The following DUSP16 variants were observed in gnomAD, a reference collection of about 807,000 sequenced individuals.
The protein encoded by DUSP16 is dual specificity protein phosphatase 16.
DUSP16 carries 21 observed loss-of-function variants against 58.3 expected under a neutral mutation model. That is an observed-to-expected ratio of 0.36 (90% CI 0.26 to 0.52). DUSP16 has a LOEUF of 0.52. DUSP16 is among the 20% of genes least tolerant of loss of function. The pLI, the probability that DUSP16 is intolerant of heterozygous loss-of-function variation, is 0.94. For missense variants in DUSP16, 726 were observed against 819.0 expected (o/e 0.89, Z 1.39); for synonymous variants, 320 against 323.8 (o/e 0.99, Z 0.12).
At chr12:12,543,166 G>T (rs905955976) in intron 1 of DUSP16, among the ~76,000 whole-genome samples, 3 of 149,818 alleles carry the variant, frequency 2.0e-5, no homozygotes, top group Admixed American at 1.5e-4. Context: ...GAAGAATGTC[G>T]TTGTGTCAAC....
chr12:12,506,557 T>C (rs1944000080), intron 3 of DUSP16, among the ~76,000 whole-genome samples: 2 of 152,252 alleles, frequency 1.3e-5, no homozygotes, highest in African/African-American at 4.8e-5. Flanking sequence ...CCTAATTTTA[T>C]GCTGTTTATC....
At chr12:12,493,180 G>A (rs1041156986) in intron 4 of DUSP16, among the ~76,000 whole-genome samples, 18 of 151,982 alleles carry the variant, frequency 1.2e-4, no homozygotes, top group East Asian at 1.9e-4. Flanking sequence ...CAGGCATTTC[G>A]AACTCAGCGT....
intron 1 of DUSP16, among the ~76,000 whole-genome samples, chr12:12,560,365 T>C (rs1168452660): frequency 2.0e-5 from 3 of 152,218 alleles, no homozygotes; most frequent in Non-Finnish European, 4.4e-5. Context: ...ATTTCTAATT[T>C]TTCCCCCATG....
chr12:12,552,575 G>A (rs529577042), intron 1 of DUSP16, among the ~76,000 whole-genome samples: 6 of 152,174 alleles, frequency 3.9e-5, no homozygotes, highest in Non-Finnish European at 5.9e-5. Flanking sequence ...TGTGCAGCCA[G>A]GTTTTCTTCA....
chr12:12,503,187 G>A (rs918053083), intron 3 of DUSP16, among the ~76,000 whole-genome samples: 10 of 149,702 alleles, frequency 6.7e-5, no homozygotes, highest in East Asian at 2.0e-4. Context: ...TGTGCCTGGC[G>A]TATAGTAAAG....
intron 3 of DUSP16, among the ~76,000 whole-genome samples, chr12:12,501,742 C>T (rs753838727): frequency 1.3e-5 from 2 of 151,902 alleles, no homozygotes; most frequent in Non-Finnish European, 2.9e-5. Context: ...CTGTAATCCC[C>T]GCACTTTGGG....
At chr12:12,531,292 T>C (rs1027453454) in intron 1 of DUSP16, among the ~76,000 whole-genome samples, 2 of 152,164 alleles carry the variant, frequency 1.3e-5, no homozygotes, top group African/African-American at 4.8e-5. Flanking sequence ...AAGCTCACAA[T>C]AGTAATATTC....
intron 1 of DUSP16, among the ~76,000 whole-genome samples, chr12:12,557,452 T>A (rs1372749226): frequency 3.5e-5 from 5 of 140,920 alleles, no homozygotes; most frequent in African/African-American, 1.3e-4. Context: ...CAAGACTCCG[T>A]CTCAAAAAAA....
In DUSP16 at chr12:12,475,103, A is replaced by G. The variant is rs1210787393; in HGVS notation, c.*1730T>C. The stretch of plus-strand genomic sequence containing the variant: ...CTGTGCTGGTTTTAGAAGTCACCAT[A>G]GGAAACATGAAGTCACATCCTGGTC... On this transcript the variant is annotated 3_prime_UTR_variant, in exon 7 of 7. Coordinates refer to ENST00000298573, the MANE Select transcript of DUSP16 (RefSeq NM_030640.3). 1 of 152,198 alleles carries G rather than the reference A, an allele frequency of 6.6e-6. No individual in the cohort carries two copies. The highest frequency in any genetic ancestry group is 6.5e-5 in the Admixed American group (1 of 15,282). The allele number at this position is 152,198 out of a possible 1,614,324, so 9.4% of individuals were successfully genotyped here.
chr12:12,509,404 A>C (rs560087323), intron 3 of DUSP16, among the ~76,000 whole-genome samples: 10 of 151,806 alleles, frequency 6.6e-5, no homozygotes, highest in Non-Finnish European at 8.8e-5. Flanking sequence ...TTACACTCAA[A>C]CCCTCTGAAC....
At chr12:12,539,688 C>T (rs942956857) in intron 1 of DUSP16, among the ~76,000 whole-genome samples, 1 of 150,264 alleles carries the variant, frequency 6.7e-6, no homozygotes, top group African/African-American at 2.5e-5. Context: ...GGCCTCCAGC[C>T]AATCTATATT....
At chr12:12,495,886 T>C (rs1943820959) in intron 4 of DUSP16, among the ~76,000 whole-genome samples, 1 of 152,234 alleles carries the variant, frequency 6.6e-6, no homozygotes, top group South Asian at 2.1e-4. Context: ...GTAGGCTGCA[T>C]AGTCTACCCT....
rs140424552 is a variant in DUSP16 at position 12,521,023 on chromosome 12, C to G, written c.76G>C (p.Val26Leu). 8 of 1,614,190 alleles carry G rather than the reference C, an allele frequency of 5.0e-6. No individual in the cohort carries two copies. Among genetic ancestry groups the G allele is most frequent in the Middle Eastern group, 1.6e-4 (1 of 6,062 alleles). ...VALLESGTEK[V>L]LLIDSRPFVE... is the part of the protein sequence containing the mutation. Reference sequence around the variant, plus strand: ...AATGGCCGGCTATCAATTAGCAGCACTTTTTCCGTTCCACTTTCCAGCAGA... The same window carrying G: ...AATGGCCGGCTATCAATTAGCAGCAGTTTTTCCGTTCCACTTTCCAGCAGA... The change falls in exon 2 of 7, where the codon GTG (valine) becomes CTG (leucine). Residue 26 changes from valine to leucine, a missense_variant. By Grantham distance (32) the Val-to-Leu change is conservative. Coordinates refer to ENST00000298573, the MANE Select transcript of DUSP16 (RefSeq NM_030640.3).
At chr12:12,489,802 C>A (rs527602836) in intron 4 of DUSP16, among the ~76,000 whole-genome samples, 2 of 152,122 alleles carry the variant, frequency 1.3e-5, no homozygotes, top group South Asian at 4.2e-4. Context: ...AAATGACAAC[C>A]TATATTAAGT....
chr12:12,537,111 T>C (rs557115206), intron 1 of DUSP16, among the ~76,000 whole-genome samples: 22 of 152,334 alleles, frequency 1.4e-4, no homozygotes, highest in South Asian at 1.0e-3. Context: ...TCTTCAAGGA[T>C]GACTTTCTTC....
intron 5 of DUSP16, among the ~76,000 whole-genome samples, chr12:12,483,408 T>C (rs1943613906): frequency 6.6e-6 from 1 of 152,210 alleles, no homozygotes; most frequent in African/African-American, 2.4e-5. Context: ...TTCTTTTTTT[T>C]TCATTTTACA....
At chr12:12,537,887 C>A (rs572914203) in intron 1 of DUSP16, among the ~76,000 whole-genome samples, 3 of 151,244 alleles carry the variant, frequency 2.0e-5, no homozygotes, top group East Asian at 1.9e-4. Context: ...CTATAAAACT[C>A]CAGGAAAAAA....
chr12:12,507,250 A>G (rs537984586), intron 3 of DUSP16, among the ~76,000 whole-genome samples: 1 of 152,352 alleles, frequency 6.6e-6, no homozygotes, highest in Non-Finnish European at 1.5e-5. Flanking sequence ...TTTTAAGGCC[A>G]AAGTTCTAAA....
At chr12:12,560,717 A>G (rs944253464) in intron 1 of DUSP16, 1 of 152,232 alleles carries the variant, frequency 6.6e-6, no homozygotes, top group Admixed American at 6.5e-5. Flanking sequence ...GTAGGTATTA[A>G]AGAGTAATTA....
Sources: allele counts gnomAD v4.1 joint callset (sites outside exome capture counted in the v4.1 genomes callset), GRCh38; gene constraint gnomAD v4.1.1; transcripts MANE v1.5; gene names NCBI Gene and HGNC (gene_info 2026-07-23, HGNC 2026-07-21).